OSBPL11: variants seen among roughly 807,000 people sequenced by gnomAD.
OSBPL11 encodes oxysterol binding protein like 11, also known as oxysterol-binding protein-related protein 11.
A neutral mutation model predicts 84.4 loss-of-function variants in OSBPL11; 33 were observed. The ratio of observed to expected loss-of-function variants is 0.39; its 90% CI spans 0.30 to 0.52. OSBPL11 has a LOEUF of 0.52. Among genes scored for constraint, OSBPL11 ranks in the 20% least tolerant of loss-of-function variants. OSBPL11 has a pLI of 0.72. For missense variants in OSBPL11, 736 were observed against 901.1 expected (o/e 0.82, Z 2.35); for synonymous variants, 276 against 310.2 (o/e 0.89, Z 1.16).
intron 10 of OSBPL11, among the ~76,000 whole-genome samples, chr3:125,546,196 C>T (rs1255550179): frequency 7.2e-6 from 1 of 138,908 alleles, no homozygotes; most frequent in Non-Finnish European, 1.5e-5. Flanking sequence ...TTTTTTGAGA[C>T]AGAGTCCTGT....
intron 4 of OSBPL11, among the ~76,000 whole-genome samples, chr3:125,577,412 A>C (rs1936341856): frequency 6.6e-6 from 1 of 152,240 alleles, no homozygotes. Flanking sequence ...AAAGGTGCTC[A>C]ACATGATTAG....
At position 125,553,563 on chromosome 3, in the gene OSBPL11, AT is replaced by A. The variant is rs570611256; in HGVS notation, c.1156-885del. On this transcript the variant is annotated intron_variant, in intron 8 of 12. Transcript: ENST00000296220. ...GTCTGAGAAAGCAAAATCTGGCAAT[AT>A]TTTTCAAGAGCCCTAAGATGTTCTT... Among the ~76,000 whole-genome samples the A allele has an allele frequency of 2.0e-4, 30 of 152,288 alleles. No homozygotes were observed. In the South Asian group the frequency reaches 6.2e-3, roughly 32 times the overall value.
intron 1 of OSBPL11, among the ~76,000 whole-genome samples, chr3:125,586,686 T>C (rs1936516347): frequency 6.6e-6 from 1 of 152,034 alleles, no homozygotes; most frequent in Non-Finnish European, 1.5e-5. Flanking sequence ...CTGGCTACTT[T>C]TTCTATTTGT....
chr3:125,572,659 A>C (rs538406929), intron 5 of OSBPL11, among the ~76,000 whole-genome samples: 1 of 151,932 alleles, frequency 6.6e-6, no homozygotes, highest in South Asian at 2.1e-4. Context: ...TCCATGTAAG[A>C]CGTGACTTGC....
At chr3:125,539,335 AT>A (rs1935691388) in intron 10 of OSBPL11, among the ~76,000 whole-genome samples, 15 of 120,090 alleles carry the variant, frequency 1.2e-4, no homozygotes, top group African/African-American at 2.9e-4. Flanking sequence ...ATATATATAT[AT>A]ATATATATAA....
rs1031801494 is a variant in OSBPL11, at chr3:125,580,109, T to C, written c.234-69A>G. Reference sequence around the variant, plus strand: ...TCAGCAAACTAAAGCAAAGCAAACTTCAATCACTTACACATTTCAGGGTTT... The same window carrying C: ...TCAGCAAACTAAAGCAAAGCAAACTCCAATCACTTACACATTTCAGGGTTT... On this transcript the variant is annotated intron_variant, in intron 2 of 12. Coordinates refer to ENST00000296220, the MANE Select transcript of OSBPL11 (RefSeq NM_022776.5). 3.1e-6 allele frequency: 4 copies of C among 1,298,986 alleles called. No homozygotes were observed. The South Asian group carries it at 5.2e-5, about 17-fold the overall frequency. The allele number at this position is 1,298,986 out of a possible 1,614,324, so 80.5% of individuals were successfully genotyped here. A position where few individuals can be genotyped will look rare whatever the true frequency, so the allele number is the denominator to read the frequency against.
intron 8 of OSBPL11, among the ~76,000 whole-genome samples, chr3:125,557,129 T>TTTCTAA (rs1188034140): frequency 2.0e-5 from 3 of 152,192 alleles, no homozygotes; most frequent in African/African-American, 7.2e-5. Flanking sequence ...TTTCTTTAGT[T>TTTCTAA]TTCTAAAATT....
intron 7 of OSBPL11, among the ~76,000 whole-genome samples, chr3:125,560,975 A>G (rs573044334): frequency 6.6e-6 from 1 of 152,050 alleles, no homozygotes; most frequent in Admixed American, 6.6e-5. Flanking sequence ...CTGGGATTAC[A>G]GGTGCCCACC....
chr3:125,592,425 CTG>C (rs1936611683), intron 1 of OSBPL11, among the ~76,000 whole-genome samples: 1 of 152,082 alleles, frequency 6.6e-6, no homozygotes, highest in Admixed American at 6.5e-5. Context: ...TAAAAGTTTT[CTG>C]TGTGTCAAAA....
At chr3:125,534,406 A>T (rs1392955779) in intron 11 of OSBPL11, among the ~76,000 whole-genome samples, 2 of 151,900 alleles carry the variant, frequency 1.3e-5, no homozygotes, top group African/African-American at 4.8e-5. Context: ...AAAAAGAAAC[A>T]TTTACCAAGA....
At chr3:125,570,184 G>GTC (rs1936222274) in intron 5 of OSBPL11, among the ~76,000 whole-genome samples, 1 of 152,120 alleles carries the variant, frequency 6.6e-6, no homozygotes, top group Admixed American at 6.6e-5. Context: ...GGTGTTAGAA[G>GTC]TGGTCAAAGA....
chr3:125,563,843 C>G lies in OSBPL11; in HGVS notation c.869G>C (p.Gly290Ala), dbSNP rs774442969. ...ASHQKGSLPS[G>A]TTIEWLEPKI... is the part of the protein sequence containing the mutation. ...TGGTTCTAACCACTCGATTGTCGTTCCTGATGGAGTAAGAGAAAACTTTCG... is the reference window on the plus strand; with the variant it reads ...TGGTTCTAACCACTCGATTGTCGTTGCTGATGGAGTAAGAGAAAACTTTCG... The change falls in exon 7 of 13, where the codon GGA (glycine) becomes GCA (alanine). Residue 290 changes from glycine to alanine, a missense_variant and splice_region_variant. By Grantham distance (60) the Gly-to-Ala change is moderately conservative. Coordinates refer to ENST00000296220, the MANE Select transcript of OSBPL11 (RefSeq NM_022776.5). The G allele has an allele frequency of 6.2e-7, 1 of 1,612,598 alleles. No individual in the cohort carries two copies. Among genetic ancestry groups the G allele is most frequent in the Admixed American group, 1.7e-5 (1 of 59,484 alleles).
rs201858368 is a variant in OSBPL11, at chr3:125,540,328, C to CAAAAAAAAAAAA, written c.1842-1707_1842-1696dup. ...TGGGCGACAGAGGATGGCTCTGTCT[C>CAAAAAAAAAAAA]AAAAAAAAAAAAAAAAAAAAAAAAA... On this transcript the variant is annotated intron_variant, in intron 10 of 12. Transcript: ENST00000296220. Among the ~76,000 whole-genome samples the CAAAAAAAAAAAA allele has an allele frequency of 8.8e-4, 75 of 85,326 alleles. 5 individuals are homozygous for CAAAAAAAAAAAA. Among genetic ancestry groups the CAAAAAAAAAAAA allele is most frequent in the Middle Eastern group, 6.3e-3 (1 of 158 alleles). The allele number at this position is 85,326 out of a possible 152,430, so 56.0% of individuals were successfully genotyped here. A position where few individuals can be genotyped will look rare whatever the true frequency, so the allele number is the denominator to read the frequency against.
chr3:125,537,983 T>C (rs1378083544), intron 11 of OSBPL11, among the ~76,000 whole-genome samples: 1 of 152,224 alleles, frequency 6.6e-6, no homozygotes, highest in Non-Finnish European at 1.5e-5. Flanking sequence ...CCCAAAGAAG[T>C]ATTATTTTAA....
rs1273981456 is a variant in OSBPL11, at chr3:125,531,786, ATTCAACAAAGCCT to A, written c.2178+62_2178+74del. 6.5e-6 allele frequency: 9 copies of A among 1,393,256 alleles called. No individual in the cohort carries two copies. In the African/African-American group the frequency reaches 1.3e-4, roughly 20 times the overall value. 86.3% of individuals were successfully genotyped at this position (1,393,256 alleles called of 1,614,324 possible). On this transcript the variant is annotated intron_variant, in intron 12 of 12. Coordinates refer to ENST00000296220, the MANE Select transcript of OSBPL11 (RefSeq NM_022776.5). ...AAATAAAGATGTATAAGTGATAGCA[ATTCAACAAAGCCT>A]AGTAAGCTAAAGTTCTCAGCCAAGT...
chr3:125,544,667 T>G (rs1488844183), intron 10 of OSBPL11, among the ~76,000 whole-genome samples: 1 of 152,216 alleles, frequency 6.6e-6, no homozygotes, highest in Non-Finnish European at 1.5e-5. Context: ...GCCTAGGATT[T>G]GAGCAGATCA....
intron 1 of OSBPL11, among the ~76,000 whole-genome samples, chr3:125,583,476 G>A (rs901630056): frequency 3.2e-4 from 48 of 151,080 alleles, no homozygotes; most frequent in Admixed American, 1.9e-3. Flanking sequence ...AGCTACTTGG[G>A]AGGCTGAGGC....
chr3:125,567,405 G>C lies in OSBPL11; in HGVS notation c.857C>G (p.Ser286Ter). ...QLQHASHQKG[S>*]LPSGTTIEWL... The stretch of plus-strand genomic sequence containing the variant: ...AATCGACAACTTACCTGAAGGCAAT[G>C]AGCCCTTCTGATGTGATGCATGCTG... Residue 286 changes from serine (S) to a stop codon, truncating the protein, a stop_gained, in exon 6 of 13, where the codon TCA becomes TGA. Transcript: ENST00000296220. LOFTEE classifies it high-confidence loss of function. 1 of 1,613,186 alleles carries C rather than the reference G, an allele frequency of 6.2e-7. No homozygotes were observed. Among genetic ancestry groups the C allele is most frequent in the Non-Finnish European group, 8.5e-7 (1 of 1,179,202 alleles).
At chr3:125,531,819 C>G (rs1935560440) in intron 12 of OSBPL11, 42 bp downstream of exon 12, 1 of 1,558,184 alleles carries the variant, frequency 6.4e-7, no homozygotes, top group Non-Finnish European at 8.7e-7. Context: ...AAGTTCTCAG[C>G]CAAGTAGATA....
Sources: gnomAD v4.1 joint callset for allele counts (sites outside exome capture counted in the v4.1 genomes callset) on GRCh38, gnomAD v4.1.1 for gene constraint, MANE v1.5 for transcripts, NCBI Gene and HGNC (gene_info 2026-07-23, HGNC 2026-07-21) for gene names.